FMN2: variants seen among roughly 807,000 people sequenced by gnomAD.
FMN2 encodes the protein formin 2.
In FMN2, 51 loss-of-function variants were observed where a neutral mutation model predicts 142.3. The ratio of observed to expected loss-of-function variants is 0.36; its 90% CI spans 0.29 to 0.45. The LOEUF (loss-of-function observed/expected upper bound fraction) is 0.45. Among genes scored for constraint, FMN2 ranks in the 20% least tolerant of loss-of-function variants. The probability of loss-of-function intolerance (pLI) is 1.00; values close to 1 mark genes in which losing one functional copy is unlikely to be tolerated. For missense variants in FMN2, 1,936 were observed against 2,122.8 expected, an observed-to-expected ratio of 0.91 and a Z score of 1.73; for synonymous variants, 882 against 869.8, an observed-to-expected ratio of 1.01 and a Z score of -0.25.
intron 2 of FMN2, among the ~76,000 whole-genome samples, chr1:240,129,687 G>C (rs2103230623): frequency 6.6e-6 from 1 of 152,030 alleles, no homozygotes; most frequent in East Asian, 1.9e-4. Flanking sequence ...ATTTTTAGTA[G>C]AGATGGGGTT....
In FMN2 at chr1:240,247,258, TGTG is replaced by T. The variant is rs1668111829; in HGVS notation, c.4066-10685_4066-10683del. On this transcript the variant is annotated intron_variant, in intron 6 of 17. Coordinates refer to ENST00000319653, the MANE Select transcript of FMN2 (RefSeq NM_020066.5). ...TGGCTCAAGCTTGTAATCTCATCAC[TGTG>T]GGAGGCCCAGGCAGGCAGATCACCT... Among the ~76,000 whole-genome samples the T allele has an allele frequency of 4.6e-5, 7 of 152,254 alleles. No individual in the cohort carries two copies. In the South Asian group the frequency reaches 1.5e-3, roughly 32 times the overall value.
In FMN2 at chr1:240,183,216, C is replaced by T. The variant is rs550961004; in HGVS notation, c.1931-4991C>T. Among the ~76,000 whole-genome samples, 18 of 151,782 alleles carry T rather than the reference C, an allele frequency of 1.2e-4. No individual in the cohort carries two copies. In the South Asian group the frequency reaches 3.5e-3, roughly 30 times the overall value. ...ACAGACATGAGCCACCATGCCTGGT[C>T]CATTTCTGTGTTTTGTTCAAATGTT... is the stretch of plus-strand genomic sequence containing the variant. On this transcript the variant is annotated intron_variant, in intron 3 of 17. Coordinates refer to ENST00000319653, the MANE Select transcript of FMN2 (RefSeq NM_020066.5).
At position 240,177,921 on chromosome 1, in the gene FMN2, C is replaced by G; in HGVS notation, c.1783C>G (p.Gln595Glu). Residue 595 changes from glutamine to glutamate, a missense_variant and splice_region_variant, in exon 3 of 18, where the codon CAA becomes GAA. Physicochemically the swap from Gln to Glu is conservative, Grantham distance 29. This residue lies in a region of FMN2 where 478 missense variants were observed against 462.8 expected (regional missense o/e 1.03). Coordinates refer to ENST00000319653, the MANE Select transcript of FMN2 (RefSeq NM_020066.5). Reference sequence around the variant, plus strand: ...CAACATTTTTTATTTTTAAATATAGCAAGATCAACTTTATACCTGGGCTGC... The same window carrying G: ...CAACATTTTTTATTTTTAAATATAGGAAGATCAACTTTATACCTGGGCTGC... Reference protein sequence around the residue: ...NAQTNAASFDQDQLYTWAAVS... With the variant: ...NAQTNAASFDEDQLYTWAAVS... The G allele has an allele frequency of 6.4e-7, 1 of 1,550,410 alleles. No individual in the cohort carries two copies.
chr1:240,417,472 A>G (rs1051025517), intron 15 of FMN2, among the ~76,000 whole-genome samples: 4 of 151,934 alleles, frequency 2.6e-5, no homozygotes, highest in African/African-American at 9.7e-5. Flanking sequence ...GGTACTGTGA[A>G]TTCAGATGGA....
intron 6 of FMN2, among the ~76,000 whole-genome samples, chr1:240,223,211 T>G (rs1233123764): frequency 6.6e-6 from 1 of 152,210 alleles, no homozygotes; most frequent in African/African-American, 2.4e-5. Flanking sequence ...CTGAATTTTA[T>G]TGAAGGCCTT....
At chr1:240,380,121 C>T (rs1297602506) in intron 14 of FMN2, among the ~76,000 whole-genome samples, 1 of 152,142 alleles carries the variant, frequency 6.6e-6, no homozygotes, top group African/African-American at 2.4e-5. Flanking sequence ...TTAAACTGGA[C>T]TCTAGACCAA....
chr1:240,444,024 C>A (rs1675718893), intron 16 of FMN2, among the ~76,000 whole-genome samples: 1 of 151,892 alleles, frequency 6.6e-6, no homozygotes, highest in Admixed American at 6.6e-5. Context: ...CTTTTTTTTA[C>A]CCTGATTGAG....
rs1164646678 is a variant in FMN2, at chr1:240,142,501, T to TTATTTA, written c.1782+19157_1782+19158insATTTAT. Among the ~76,000 whole-genome samples, 12 of 78,680 alleles carry TTATTTA rather than the reference T, an allele frequency of 1.5e-4. No individual in the cohort carries two copies. The Admixed American group carries it at 1.7e-3, about 11-fold the overall frequency. 51.6% of individuals were successfully genotyped at this position (78,680 alleles called of 152,430 possible). A position where few individuals can be genotyped will look rare whatever the true frequency, so the allele number is the denominator to read the frequency against. On this transcript the variant is annotated intron_variant, in intron 2 of 17. Transcript: ENST00000319653. ...TATTTATTTATTTATTTATTTATAT[T>TTATTTA]TTTTGGGGGGGGATAAAGGTCTTTA...
At chr1:240,315,270 A>G (rs1160045950) in intron 8 of FMN2, among the ~76,000 whole-genome samples, 1 of 152,200 alleles carries the variant, frequency 6.6e-6, no homozygotes, top group Non-Finnish European at 1.5e-5. Flanking sequence ...GCCTGCTAAA[A>G]ACCTTGGTTA....
At chr1:240,108,736 T>C (rs1267715481) in intron 1 of FMN2, among the ~76,000 whole-genome samples, 1 of 152,088 alleles carries the variant, frequency 6.6e-6, no homozygotes, top group Non-Finnish European at 1.5e-5. Context: ...CTTCTACCAT[T>C]AAAAAATGCA....
rs560879777 is a variant in FMN2 at position 240,427,610 on chromosome 1, A to G, written c.4911-10451A>G. ...TTACATTTTCACAATAGGTGCCCCTATGACACTTTTTTCTACTTAAAATTG... is the reference window on the plus strand; with the variant it reads ...TTACATTTTCACAATAGGTGCCCCTGTGACACTTTTTTCTACTTAAAATTG... On this transcript the variant is annotated intron_variant, in intron 15 of 17. Transcript: ENST00000319653. 2.0e-5 allele frequency among the ~76,000 whole-genome samples: 3 copies of G among 152,234 alleles called. No individual in the cohort carries two copies. In the East Asian group the frequency reaches 5.8e-4, roughly 29 times the overall value.
chr1:240,446,986 A>G (rs1675840167), intron 16 of FMN2, among the ~76,000 whole-genome samples: 1 of 152,212 alleles, frequency 6.6e-6, no homozygotes, highest in African/African-American at 2.4e-5. Flanking sequence ...AAACATTAGC[A>G]GCCTTAGGGC....
At chr1:240,167,496 T>C (rs1355309865) in intron 2 of FMN2, among the ~76,000 whole-genome samples, 1 of 152,240 alleles carries the variant, frequency 6.6e-6, no homozygotes, top group Non-Finnish European at 1.5e-5. Flanking sequence ...GTTTAATCTT[T>C]TGATGTTATC....
rs116305109 is a variant in FMN2, at chr1:240,143,158, G to A, written c.1782+19813G>A. 4,819 of 1,576,786 alleles carry A rather than the reference G, an allele frequency of 3.1e-3. 122 individuals carry two copies. The African/African-American group carries it at 0.058, about 19-fold the overall frequency. ...TTGGCATGATATTGAGCTAACTGGC[G>A]CAACATTGCAGCCAGACGGGCATTA... is the stretch of plus-strand genomic sequence containing the variant. On this transcript the variant is annotated intron_variant, in intron 2 of 17. Transcript: ENST00000319653.
Position 240,416,626 on chromosome 1 carries a change from G to A in FMN2, c.4911-21435G>A, listed in dbSNP as rs116633699. 3.2e-3 allele frequency among the ~76,000 whole-genome samples: 489 copies of A among 151,974 alleles called. 2 individuals are homozygous for A. The highest frequency in any genetic ancestry group is 0.011 in the African/African-American group (444 of 41,426). On this transcript the variant is annotated intron_variant, in intron 15 of 17. Transcript: ENST00000319653. ...TCCTCCTCATTCCATCTGTACTTATGTCCCTTGTTGATATTTATGTTATTT... is the reference window on the plus strand; with the variant it reads ...TCCTCCTCATTCCATCTGTACTTATATCCCTTGTTGATATTTATGTTATTT...
At chr1:240,249,711 A>G (rs776951860) in intron 6 of FMN2, among the ~76,000 whole-genome samples, 3 of 152,102 alleles carry the variant, frequency 2.0e-5, no homozygotes, top group Non-Finnish European at 2.9e-5. Flanking sequence ...CACTTCAACA[A>G]TATTTATTCT....
Position 240,092,250 on chromosome 1 carries a change from G to T in FMN2, c.141G>T (p.Lys47Asn). The T allele has an allele frequency of 8.4e-7, 1 of 1,186,454 alleles. No individual in the cohort carries two copies. Among genetic ancestry groups the T allele is most frequent in the Admixed American group, 1.9e-5 (1 of 51,636 alleles). The allele number at this position is 1,186,454 out of a possible 1,614,324, so 73.5% of individuals were successfully genotyped here. A position where few individuals can be genotyped will look rare whatever the true frequency, so the allele number is the denominator to read the frequency against. Residue 47 changes from lysine to asparagine, a missense_variant, in exon 1 of 18, where the codon AAG (lysine) becomes AAT (asparagine). By Grantham distance (94) the Lys-to-Asn change is moderately conservative (BLOSUM62 0). Around this residue, in one of 8 missense-constraint regions of FMN2, gnomAD observed 751 missense variants for 791.8 expected, o/e 0.95. Transcript: ENST00000319653. The part of the protein sequence containing the change: ...KGSGGKKALG[K>N]HGKGGGGGGG... ...GCGGGGGCAAGAAGGCGCTAGGCAA[G>T]CACGGCAAGGGGGGAGGGGGCGGCG...
intron 13 of FMN2, among the ~76,000 whole-genome samples, chr1:240,339,717 G>A (rs1671685331): frequency 1.3e-5 from 2 of 151,956 alleles, no homozygotes; most frequent in East Asian, 3.9e-4. Context: ...TATCTGGTAG[G>A]TAGGTGTTTA....
intron 3 of FMN2, among the ~76,000 whole-genome samples, chr1:240,185,145 C>T (rs1665372298): frequency 1.9e-5 from 1 of 54,022 alleles, no homozygotes; most frequent in African/African-American, 6.5e-5. Context: ...CCTCCTATAC[C>T]TTCCCCTTCT....
Sources: allele counts gnomAD v4.1 joint callset (sites outside exome capture counted in the v4.1 genomes callset), GRCh38; gene constraint gnomAD v4.1.1; regional missense constraint gnomAD v4.1.1; transcripts MANE v1.5; gene names NCBI Gene and HGNC (gene_info 2026-07-23, HGNC 2026-07-21).